The following BCAS3 variants were observed in gnomAD, a reference collection of about 807,000 sequenced individuals.
The protein encoded by BCAS3 is BCAS4/BCAS3 fusion.
A neutral mutation model predicts 116.1 loss-of-function variants in BCAS3; 53 were observed. That is an observed-to-expected ratio of 0.46 (90% CI 0.37 to 0.57). The LOEUF (loss-of-function observed/expected upper bound fraction) is 0.57, where lower values mean the gene tolerates loss of function less well. Ranked by LOEUF, BCAS3 falls within the 20% of genes least tolerant of loss-of-function variation. The probability of loss-of-function intolerance (pLI) is 0.00; values close to 1 mark genes in which losing one functional copy is unlikely to be tolerated. For missense variants in BCAS3, 917 were observed against 1,165.4 expected, an observed-to-expected ratio of 0.79 and a Z score of 3.10; for synonymous variants, 391 against 408.2, an observed-to-expected ratio of 0.96 and a Z score of 0.51.
Position 61,068,547 on chromosome 17 carries a change from A to G in BCAS3, c.2030-6373A>G, listed in dbSNP as rs770407232. Among the ~76,000 whole-genome samples the G allele has an allele frequency of 6.6e-6, 1 of 152,184 alleles. No homozygotes were observed. Among genetic ancestry groups the G allele is most frequent in the Non-Finnish European group, 1.5e-5 (1 of 68,036 alleles). ...ATGAAACATTCTTCTCCTCTAAGCT[A>G]TGGAGAACATGGTAAGGTTGTCACA... On this transcript the variant is annotated intron_variant, in intron 19 of 23. Coordinates refer to ENST00000407086, the MANE Select transcript of BCAS3 (RefSeq NM_017679.5). This position sits in a 1 kb window ranked among gnomAD's most constrained non-coding sequence, Gnocchi z 4.3.
At chr17:60,822,658 A>G (rs1037484761) in intron 7 of BCAS3, among the ~76,000 whole-genome samples, 6 of 152,236 alleles carry the variant, frequency 3.9e-5, no homozygotes, top group African/African-American at 1.4e-4. Context: ...AGAATATTGT[A>G]TCAAACTACT....
chr17:61,284,835 TGAG>T (rs973612329), intron 22 of BCAS3, among the ~76,000 whole-genome samples: 2 of 152,198 alleles, frequency 1.3e-5, no homozygotes, highest in African/African-American at 4.8e-5. Flanking sequence ...CAACAGTAAG[TGAG>T]GAGATTTGCC....
chr17:60,902,303 G>T (rs555181458), intron 10 of BCAS3, among the ~76,000 whole-genome samples: 1 of 152,264 alleles, frequency 6.6e-6, no homozygotes, highest in South Asian at 2.1e-4. Context: ...CTTTGATTAC[G>T]TTTTTAAAAT....
rs375719095 is a variant in BCAS3, at chr17:60,965,370, C to T, written c.1221+18018C>T. ...CAGAGTAACTGGGATTATAGGCGCCCGCCACCACACCTGGCTAATTTTTGT... is the reference window on the plus strand; with the variant it reads ...CAGAGTAACTGGGATTATAGGCGCCTGCCACCACACCTGGCTAATTTTTGT... On this transcript the variant is annotated intron_variant, in intron 14 of 23. Coordinates refer to ENST00000407086, the MANE Select transcript of BCAS3 (RefSeq NM_017679.5). Among the ~76,000 whole-genome samples the T allele has an allele frequency of 1.6e-4, 24 of 151,704 alleles. No homozygotes were observed. In the East Asian group the frequency reaches 2.1e-3, roughly 14 times the overall value.
chr17:61,021,821 C>G lies in BCAS3; in HGVS notation c.1637+5920C>G, dbSNP rs573983194. ...GTAAATGATATTGGCATATAGTAGG[C>G]CTTGCAGAAGGTCTATTCCTTATTT... On this transcript the variant is annotated intron_variant, in intron 16 of 23. Coordinates refer to ENST00000407086, the MANE Select transcript of BCAS3 (RefSeq NM_017679.5). The surrounding 1 kb of genome is among the most constrained non-coding windows in gnomAD (Gnocchi z 4.6). Among the ~76,000 whole-genome samples the G allele has an allele frequency of 1.2e-4, 18 of 152,310 alleles. No homozygotes were observed. In the East Asian group the frequency reaches 3.3e-3, roughly 28 times the overall value.
At chr17:61,274,281 ATTTTT>A (rs780529516) in intron 22 of BCAS3, among the ~76,000 whole-genome samples, 2 of 96,240 alleles carry the variant, frequency 2.1e-5, no homozygotes, top group African/African-American at 4.2e-5. Flanking sequence ...AAATCTTTGA[ATTTTT>A]TTTTTTTTTT....
chr17:60,679,216 C>A (rs1425480582), intron 1 of BCAS3, among the ~76,000 whole-genome samples: 1 of 152,142 alleles, frequency 6.6e-6, no homozygotes, highest in East Asian at 1.9e-4. Flanking sequence ...CAGAGCGAGA[C>A]TCTATCTCAA....
At position 61,181,067 on chromosome 17, in the gene BCAS3, T is replaced by TA. The variant is rs1013272409; in HGVS notation, c.2425+96512dup. Among the ~76,000 whole-genome samples the TA allele has an allele frequency of 2.3e-4, 34 of 151,076 alleles. No homozygotes were observed. Among genetic ancestry groups the TA allele is most frequent in the African/African-American group, 5.8e-4 (24 of 41,182 alleles). ...AACCTGTCTCTGCAAAAAATTAAAA[T>TA]AAAAAAAAATTAGCCCAGAATGGTG... On this transcript the variant is annotated intron_variant, in intron 22 of 23. Coordinates refer to ENST00000407086, the MANE Select transcript of BCAS3 (RefSeq NM_017679.5). This position sits in a 1 kb window ranked among gnomAD's most constrained non-coding sequence, Gnocchi z 5.0.
At chr17:60,928,205 A>G (rs2059462486) in intron 13 of BCAS3, among the ~76,000 whole-genome samples, 1 of 152,172 alleles carries the variant, frequency 6.6e-6, no homozygotes, top group Admixed American at 6.5e-5. Flanking sequence ...AAGGAAGGAA[A>G]ACCCTTTGTG....
chr17:61,331,623 T>C (rs1412183482), intron 22 of BCAS3, among the ~76,000 whole-genome samples: 1 of 152,150 alleles, frequency 6.6e-6, no homozygotes, highest in African/African-American at 2.4e-5. Context: ...TGAGACCCCA[T>C]CTCTATTTTT....
rs2059609831 is a variant in BCAS3, at chr17:61,381,618, CTA to C, written c.2594-10357_2594-10356del. On this transcript the variant is annotated intron_variant, in intron 23 of 23. Transcript: ENST00000407086. This position sits in a 1 kb window ranked among gnomAD's most constrained non-coding sequence, Gnocchi z 6.0. ...GCTAAATGCCACCGAGAAGTTAAAT[CTA>C]TTACTAAACTCAGGTTTACCATCTG... Among the ~76,000 whole-genome samples, 1 of 152,192 alleles carries C rather than the reference CTA, an allele frequency of 6.6e-6. No homozygotes were observed. Among genetic ancestry groups the C allele is most frequent in the Non-Finnish European group, 1.5e-5 (1 of 68,032 alleles).
rs1323572984 is a variant in BCAS3, at chr17:61,095,081, A to G, written c.2425+10517A>G. 6.6e-6 allele frequency among the ~76,000 whole-genome samples: 1 copy of G among 152,224 alleles called. No homozygotes were observed. Among genetic ancestry groups the G allele is most frequent in the Non-Finnish European group, 1.5e-5 (1 of 68,038 alleles). ...GATATAGTTTCAGATTCCACATTGCAACTAATTTGTTAAGGATCATATCAA... is the reference window on the plus strand; with the variant it reads ...GATATAGTTTCAGATTCCACATTGCGACTAATTTGTTAAGGATCATATCAA... On this transcript the variant is annotated intron_variant, in intron 22 of 23. Coordinates refer to ENST00000407086, the MANE Select transcript of BCAS3 (RefSeq NM_017679.5). This position sits in a 1 kb window ranked among gnomAD's most constrained non-coding sequence, Gnocchi z 4.7.
chr17:60,861,580 G>A (rs35038214), intron 7 of BCAS3, among the ~76,000 whole-genome samples: 8 of 152,070 alleles, frequency 5.3e-5, no homozygotes, highest in Non-Finnish European at 8.8e-5. Flanking sequence ...GTTCTCAGGG[G>A]GAATGTTTCC....
chr17:61,181,083 C>T lies in BCAS3; in HGVS notation c.2425+96519C>T, dbSNP rs533393574. Among the ~76,000 whole-genome samples, 2 of 152,090 alleles carry T rather than the reference C, an allele frequency of 1.3e-5. No individual in the cohort carries two copies. The highest frequency in any genetic ancestry group is 4.8e-5 in the African/African-American group (2 of 41,508). ...AAATTAAAATAAAAAAAAATTAGCC[C>T]AGAATGGTGGCACACGCCTGTAGTC... On this transcript the variant is annotated intron_variant, in intron 22 of 23. Transcript: ENST00000407086. The surrounding 1 kb of genome is among the most constrained non-coding windows in gnomAD (Gnocchi z 5.0).
In BCAS3 at chr17:61,276,541, C is replaced by T. The variant is rs1205445555; in HGVS notation, c.2426-91786C>T. ...ATCACTGGGAGAAATTACAGAAGAA[C>T]TAAATAAATGGAAAGATACTCCATG... is the stretch of plus-strand genomic sequence containing the variant. On this transcript the variant is annotated intron_variant, in intron 22 of 23. Coordinates refer to ENST00000407086, the MANE Select transcript of BCAS3 (RefSeq NM_017679.5). The surrounding 1 kb of genome is among the most constrained non-coding windows in gnomAD (Gnocchi z 4.2). Among the ~76,000 whole-genome samples, 1 of 152,028 alleles carries T rather than the reference C, an allele frequency of 6.6e-6. No homozygotes were observed. The highest frequency in any genetic ancestry group is 1.9e-4 in the East Asian group (1 of 5,196).
chr17:61,392,406 A>T lies in BCAS3; in HGVS notation c.*281A>T. On this transcript the variant is annotated 3_prime_UTR_variant, in exon 24 of 24. Coordinates refer to ENST00000407086, the MANE Select transcript of BCAS3 (RefSeq NM_017679.5). The surrounding 1 kb of genome is among the most constrained non-coding windows in gnomAD (Gnocchi z 6.4). Reference sequence around the variant, plus strand: ...GTTTGCATATGACATCCTGCATTGGATCCGCTTTTGTATTTTTTAACCATA... The same window carrying T: ...GTTTGCATATGACATCCTGCATTGGTTCCGCTTTTGTATTTTTTAACCATA... The T allele has an allele frequency of 4.5e-6, 1 of 221,004 alleles. No homozygotes were observed. Among genetic ancestry groups the T allele is most frequent in the Non-Finnish European group, 8.3e-6 (1 of 119,988 alleles). 13.7% of individuals were successfully genotyped at this position (221,004 alleles called of 1,614,324 possible).
chr17:60,937,349 T>G (rs2145208753), intron 13 of BCAS3, among the ~76,000 whole-genome samples: 1 of 152,268 alleles, frequency 6.6e-6, no homozygotes, highest in African/African-American at 2.4e-5. Context: ...AACTGGTCTG[T>G]TAAACATCTT....
intron 16 of BCAS3, among the ~76,000 whole-genome samples, chr17:61,024,331 T>C (rs1326055150): frequency 6.6e-6 from 1 of 152,162 alleles, no homozygotes; most frequent in African/African-American, 2.4e-5. Flanking sequence ...TGAGTATAGA[T>C]TTTATACATG....
At chr17:60,814,367 T>G (rs947148144) in intron 7 of BCAS3, among the ~76,000 whole-genome samples, 2 of 151,920 alleles carry the variant, frequency 1.3e-5, no homozygotes, top group African/African-American at 2.4e-5. Context: ...TTGGACGTTA[T>G]TTGTATATAG....
Sources: gnomAD v4.1 joint callset for allele counts (sites outside exome capture counted in the v4.1 genomes callset) on GRCh38, gnomAD v4.1.1 for gene constraint, Gnocchi (gnomAD v3.1) non-coding constraint, MANE v1.5 for transcripts, NCBI Gene and HGNC (gene_info 2026-07-23, HGNC 2026-07-21) for gene names.